The following XPO1 variants were observed in gnomAD, a reference collection of about 807,000 sequenced individuals.
XPO1 encodes exportin 1, also known as exportin-1.
Under a neutral mutation model 133.3 loss-of-function variants are expected in XPO1, and 5 were observed. That is an observed-to-expected ratio of 0.04 (90% CI 0.02 to 0.08). The LOEUF (loss-of-function observed/expected upper bound fraction) is 0.08. XPO1 is among the 10% of genes least tolerant of loss of function. The pLI is 1.00. For synonymous variants in XPO1, 419 were observed against 408.2 expected, an observed-to-expected ratio of 1.03 and a Z score of -0.32; for missense variants, 506 against 1,267.5, an observed-to-expected ratio of 0.40 and a Z score of 9.12.
intron 6 of XPO1, 34 bp downstream of exon 6, chr2:61,501,961 AT>A: frequency 6.5e-7 from 1 of 1,535,454 alleles, no homozygotes; most frequent in Non-Finnish European, 8.9e-7. Context: ...AATAAGCATA[AT>A]TCTTCTAAGG....
rs368883063 is a variant in XPO1, at chr2:61,526,410, A to G, written c.228+10T>C. 7.6e-5 allele frequency: 121 copies of G among 1,601,828 alleles called. No homozygotes were observed. The African/African-American group carries it at 1.5e-3, about 20-fold the overall frequency. On this transcript the variant is annotated intron_variant, in intron 3 of 24. Transcript: ENST00000401558. Reference sequence around the variant, plus strand: ...AGAAATAACAGATTTTAAAACCACCACTTGCTTACTTTCGTATTCATATTC... The same window carrying G: ...AGAAATAACAGATTTTAAAACCACCGCTTGCTTACTTTCGTATTCATATTC...
At chr2:61,479,409 G>A (rs560987609) in intron 24 of XPO1, among the ~76,000 whole-genome samples, 49 of 151,684 alleles carry the variant, frequency 3.2e-4, no homozygotes, top group African/African-American at 1.0e-3. Flanking sequence ...CCAAGATCAC[G>A]CCACTGCTCT....
chr2:61,514,186 C>CA lies in XPO1; in HGVS notation c.301+8424dup, dbSNP rs745472954. ...GGGGCAATAGAGCCAGGCTCCGTCT[C>CA]AAAAAAAAAAAAAACTGAGCAAAAT... On this transcript the variant is annotated intron_variant, in intron 4 of 24. Coordinates refer to ENST00000401558, the MANE Select transcript of XPO1 (RefSeq NM_003400.4). Among the ~76,000 whole-genome samples the CA allele has an allele frequency of 7.9e-3, 900 of 113,332 alleles. 3 individuals carry two copies. The highest frequency in any genetic ancestry group is 0.017 in the East Asian group (68 of 3,970). 74.4% of individuals were successfully genotyped at this position (113,332 alleles called of 152,430 possible).
rs1032257497 is a variant in XPO1 at position 61,501,288 on chromosome 2, CAG to C, written c.408+706_408+707del. On this transcript the variant is annotated intron_variant, in intron 6 of 24. Transcript: ENST00000401558. ...AATTTTATGATATTACTATAGAAAACAGATAAACATAAAAATTATAAATTTAG... is the reference window on the plus strand; with the variant it reads ...AATTTTATGATATTACTATAGAAAACATAAACATAAAAATTATAAATTTAG... Among the ~76,000 whole-genome samples, 168 of 152,000 alleles carry C rather than the reference CAG, an allele frequency of 1.1e-3. 1 individual carries two copies. Among genetic ancestry groups the C allele is most frequent in the African/African-American group, 3.8e-3 (159 of 41,456 alleles).
In XPO1 at chr2:61,485,972, A is replaced by AG. The variant is rs768595957; in HGVS notation, c.2314-11dup. 1 of 1,596,340 alleles carries AG rather than the reference A, an allele frequency of 6.3e-7. No homozygotes were observed. Among genetic ancestry groups the AG allele is most frequent in the South Asian group, 1.1e-5 (1 of 88,570 alleles). On this transcript the variant is annotated splice_polypyrimidine_tract_variant and intron_variant, in intron 19 of 24. Transcript: ENST00000401558. ...CAAAATTTTCAGCGACCTGTTGGGG[A>AG]GGGAAAAAAAAGTTATGTTTTAATT...
At chr2:61,487,643 TTAAAACC>T (rs894534021) in intron 19 of XPO1, among the ~76,000 whole-genome samples, 1 of 152,184 alleles carries the variant, frequency 6.6e-6, no homozygotes, top group African/African-American at 2.4e-5. Context: ...AACGATACAG[TTAAAACC>T]TAAAACTAAT....
intron 4 of XPO1, among the ~76,000 whole-genome samples, chr2:61,517,306 C>T (rs935844508): frequency 2.0e-5 from 3 of 152,120 alleles, no homozygotes; most frequent in African/African-American, 7.2e-5. Context: ...TCAGTGATGG[C>T]TAGGAGTGGT....
Position 61,496,796 on chromosome 2 carries a change from G to A in XPO1, c.888+83C>T, listed in dbSNP as rs920041834. The A allele has an allele frequency of 5.8e-5, 75 of 1,300,308 alleles. 1 individual carries two copies. Among genetic ancestry groups the A allele is most frequent in the Middle Eastern group, 2.0e-4 (1 of 4,928 alleles). The allele number at this position is 1,300,308 out of a possible 1,614,324, so 80.5% of individuals were successfully genotyped here. A position where few individuals can be genotyped will look rare whatever the true frequency, so the allele number is the denominator to read the frequency against. Reference sequence around the variant, plus strand: ...GATTATGGCTTATCTTTGATACGTCGTTCTAAAATAACTCATTTGGAATTT... The same window carrying A: ...GATTATGGCTTATCTTTGATACGTCATTCTAAAATAACTCATTTGGAATTT... On this transcript the variant is annotated intron_variant, in intron 10 of 24. Coordinates refer to ENST00000401558, the MANE Select transcript of XPO1 (RefSeq NM_003400.4).
intron 1 of XPO1, among the ~76,000 whole-genome samples, chr2:61,535,159 A>T (rs572255958): frequency 5.9e-5 from 9 of 152,230 alleles, no homozygotes; most frequent in Non-Finnish European, 1.3e-4. Flanking sequence ...TTTGTTGCCC[A>T]GAATTATAAA....
chr2:61,484,354 C>G (rs920811743), intron 20 of XPO1: 14 of 413,330 alleles, frequency 3.4e-5, no homozygotes, highest in Non-Finnish European at 5.6e-5. Context: ...GAGAACTCAT[C>G]TAAACCATTA....
intron 4 of XPO1, among the ~76,000 whole-genome samples, chr2:61,507,250 A>AAAAAAAAAAG (rs1346322865): frequency 1.3e-5 from 2 of 149,964 alleles, no homozygotes; most frequent in East Asian, 3.9e-4. Context: ...TCTCAAAAAA[A>AAAAAAAAAAG]AAAAAAAAAG....
At chr2:61,515,069 T>TAAAAA (rs10638897) in intron 4 of XPO1, among the ~76,000 whole-genome samples, 1 of 127,394 alleles carries the variant, frequency 7.8e-6, no homozygotes, top group Non-Finnish European at 1.6e-5. Context: ...GTGACTGTCT[T>TAAAAA]AAAAAAAAAA....
chr2:61,521,609 T>C (rs1397643589), intron 4 of XPO1, among the ~76,000 whole-genome samples: 1 of 152,200 alleles, frequency 6.6e-6, no homozygotes, highest in Non-Finnish European at 1.5e-5. Flanking sequence ...CAGGTATCAC[T>C]ACACCTTCAT....
At chr2:61,536,608 A>G (rs1699363616) in intron 1 of XPO1, 1 of 152,300 alleles carries the variant, frequency 6.6e-6, no homozygotes, top group Non-Finnish European at 1.5e-5. Context: ...CGCCCGCTTC[A>G]TTCAGGAAAA....
intron 23 of XPO1, among the ~76,000 whole-genome samples, chr2:61,482,053 TTTTTGC>T (rs1696397673): frequency 7.1e-6 from 1 of 139,966 alleles, no homozygotes; most frequent in Non-Finnish European, 1.6e-5. Context: ...TTTTTTTTTT[TTTTTGC>T]TTTTTTAAAG....
At chr2:61,491,918 A>G (rs1477719950) in intron 16 of XPO1, 117 bp downstream of exon 16, 10 of 1,297,136 alleles carry the variant, frequency 7.7e-6, no homozygotes, top group Non-Finnish European at 9.4e-6. Flanking sequence ...AAGAAAGAAA[A>G]TTTAATCAGA....
intron 2 of XPO1, among the ~76,000 whole-genome samples, chr2:61,530,149 A>G (rs899692601): frequency 6.6e-6 from 1 of 152,224 alleles, no homozygotes; most frequent in African/African-American, 2.4e-5. Context: ...TCACACAGTA[A>G]AAGTTACTTG....
chr2:61,509,368 T>G (rs550492053), intron 4 of XPO1, among the ~76,000 whole-genome samples: 1 of 152,096 alleles, frequency 6.6e-6, no homozygotes, highest in Admixed American at 6.5e-5. Flanking sequence ...TTGGGTGAGA[T>G]AGCTCACGCC....
chr2:61,503,716 G>A (rs1203116893), intron 4 of XPO1, among the ~76,000 whole-genome samples: 2 of 152,108 alleles, frequency 1.3e-5, no homozygotes, highest in African/African-American at 2.4e-5. Context: ...GAGCCACTGC[G>A]CCCAGCACAC....
Sources: gnomAD v4.1 joint callset for allele counts (sites outside exome capture counted in the v4.1 genomes callset) on GRCh38, gnomAD v4.1.1 for gene constraint, MANE v1.5 for transcripts, NCBI Gene and HGNC (gene_info 2026-07-23, HGNC 2026-07-21) for gene names.